Variants in MAP2K2 observed in about 807,000 individuals in gnomAD.
The protein encoded by MAP2K2 is mitogen-activated protein kinase kinase 2.
A neutral mutation model predicts 43.7 loss-of-function variants in MAP2K2; 24 were observed. That is an observed-to-expected ratio of 0.55 (90% CI 0.40 to 0.77). The LOEUF is 0.77. Ranked by LOEUF, MAP2K2 falls within the 30% of genes least tolerant of loss-of-function variation. MAP2K2 has a pLI of 0.00. For synonymous variants in MAP2K2, 244 were observed against 239.7 expected, an observed-to-expected ratio of 1.02 and a Z score of -0.17; for missense variants, 470 against 566.8, an observed-to-expected ratio of 0.83 and a Z score of 1.73.
chr19:4,103,809 G>A (rs2041049404), intron 3 of MAP2K2, among the ~76,000 whole-genome samples: 1 of 152,218 alleles, frequency 6.6e-6, no homozygotes, highest in African/African-American at 2.4e-5. Flanking sequence ...CCAGCTCCAG[G>A]CTGAAGACGC....
At chr19:4,113,778 G>A (rs905191847) in intron 2 of MAP2K2, among the ~76,000 whole-genome samples, 18 of 152,172 alleles carry the variant, frequency 1.2e-4, no homozygotes, top group African/African-American at 4.3e-4. Context: ...TGGGGGATTC[G>A]GAGTAGGAAA....
At position 4,102,018 on chromosome 19, in the gene MAP2K2, G is replaced by A. The variant is rs533903754; in HGVS notation, c.528+358C>T. On this transcript the variant is annotated intron_variant, in intron 4 of 10. Transcript: ENST00000262948. ...AATGGTGAGTGTGTCTGGAGGTCCT[G>A]GCGTCCCACATCCCACCCCAGAGTC... Among the ~76,000 whole-genome samples, 69 of 152,180 alleles carry A rather than the reference G, an allele frequency of 4.5e-4. No individual in the cohort carries two copies. The East Asian group carries it at 6.0e-3, about 13-fold the overall frequency.
intron 3 of MAP2K2, chr19:4,103,423 C>A (rs1392386729): frequency 5.3e-6 from 1 of 186,998 alleles, no homozygotes. Context: ...TGCCAGGCCA[C>A]CCCCAGGACA....
intron 10 of MAP2K2, among the ~76,000 whole-genome samples, chr19:4,091,251 C>A (rs2040851971): frequency 6.6e-6 from 1 of 152,250 alleles, no homozygotes; most frequent in Non-Finnish European, 1.5e-5. Flanking sequence ...TCCCACTCGC[C>A]AGCACATGAG....
chr19:4,107,994 G>A (rs1434421994), intron 3 of MAP2K2, among the ~76,000 whole-genome samples: 6 of 152,172 alleles, frequency 3.9e-5, no homozygotes, highest in Admixed American at 6.5e-5. Context: ...CCTCAGCCCC[G>A]GTGCTAAGCT....
Position 4,117,469 on chromosome 19 carries a change from C to T in MAP2K2, c.253G>A (p.Val85Met), listed in dbSNP as rs142503093. Residue 85 changes from valine to methionine, a missense_variant, in exon 2 of 11, where the codon GTG (valine) becomes ATG (methionine). Around this residue, in one of 3 missense-constraint regions of MAP2K2, gnomAD observed 200 missense variants for 297.9 expected, o/e 0.67. Transcript: ENST00000262948. ...GGTCTGTGCTGGACTTTGGTGACCACCCCGCCGTTGCCCGCGCCCAGCTCT... is the reference window on the plus strand; with the variant it reads ...GGTCTGTGCTGGACTTTGGTGACCATCCCGCCGTTGCCCGCGCCCAGCTCT... ...ISELGAGNGGVVTKVQHRPSG... is the reference protein window; with the variant it reads ...ISELGAGNGGMVTKVQHRPSG... The T allele has an allele frequency of 1.2e-6, 2 of 1,614,112 alleles. No homozygotes were observed. Among genetic ancestry groups the T allele is most frequent in the Non-Finnish European group, 1.7e-6 (2 of 1,180,042 alleles).
chr19:4,107,543 A>C (rs997526651), intron 3 of MAP2K2, among the ~76,000 whole-genome samples: 24 of 151,100 alleles, frequency 1.6e-4, no homozygotes, highest in East Asian at 5.8e-4. Flanking sequence ...AAAAAAAAAA[A>C]AAACAAACTT....
chr19:4,099,469 C>T, intron 6 of MAP2K2, 55 bp from the exon 7 acceptor site: 1 of 1,443,356 alleles, frequency 6.9e-7, no homozygotes, highest in Non-Finnish European at 9.5e-7. Context: ...GCAGCTGGAA[C>T]CCGGGAGGCT....
intron 2 of MAP2K2, among the ~76,000 whole-genome samples, chr19:4,116,968 C>T (rs1381299390): frequency 6.6e-6 from 1 of 152,162 alleles, no homozygotes; most frequent in Non-Finnish European, 1.5e-5. Flanking sequence ...ATACAGAAGG[C>T]ACAGCAAAAA....
In MAP2K2 at chr19:4,099,261, C is replaced by G. The variant is rs756004431; in HGVS notation, c.859G>C (p.Glu287Gln). 1 of 1,605,958 alleles carries G rather than the reference C, an allele frequency of 6.2e-7. No homozygotes were observed. Among genetic ancestry groups the G allele is most frequent in the Non-Finnish European group, 8.5e-7 (1 of 1,176,740 alleles). Residue 287 changes from glutamate to glutamine, a missense_variant, in exon 7 of 11, where the codon GAA (glutamate) becomes CAA (glutamine). Coordinates refer to ENST00000262948, the MANE Select transcript of MAP2K2 (RefSeq NM_030662.4). ...GAGATGCTGTGAGGCTCTCCTTCTT[C>G]CCCGTCGACCACGGGCCGGCCAAAG... ...AIFGRPVVDGEEGEPHSISPR... is the reference protein window; with the variant it reads ...AIFGRPVVDGQEGEPHSISPR...
intron 8 of MAP2K2, 121 bp from the exon 9 acceptor site, chr19:4,095,570 C>T: frequency 1.3e-6 from 1 of 744,002 alleles, no homozygotes; most frequent in Non-Finnish European, 2.3e-6. Context: ...GCCGACACCA[C>T]ATGCCAACTG....
chr19:4,117,197 G>C (rs189169289), intron 2 of MAP2K2, among the ~76,000 whole-genome samples: 2 of 152,332 alleles, frequency 1.3e-5, no homozygotes, highest in African/African-American at 4.8e-5. Context: ...GCAGAAAGTA[G>C]TCACTGGAGG....
At chr19:4,100,856 T>C in intron 6 of MAP2K2, 163 bp downstream of exon 6, 1 of 786,074 alleles carries the variant, frequency 1.3e-6, no homozygotes, top group Non-Finnish European at 2.0e-6. Context: ...GAAAGCCTCG[T>C]GGGAGGCGGG....
chr19:4,097,564 A>G (rs2040937558), intron 7 of MAP2K2, among the ~76,000 whole-genome samples: 1 of 152,160 alleles, frequency 6.6e-6, no homozygotes, highest in Non-Finnish European at 1.5e-5. Flanking sequence ...GTGAATTAAA[A>G]AAAAGGCAAA....
chr19:4,094,267 T>C (rs1384481669), intron 10 of MAP2K2, among the ~76,000 whole-genome samples, 186 bp downstream of exon 10: 3 of 152,146 alleles, frequency 2.0e-5, no homozygotes, highest in Non-Finnish European at 4.4e-5. Context: ...CAGCCCAGGA[T>C]GGCTTCTCTC....
intron 4 of MAP2K2, 28 bp downstream of exon 4, chr19:4,102,348 G>T (rs756363064): frequency 4.5e-6 from 7 of 1,557,312 alleles, no homozygotes; most frequent in African/African-American, 1.3e-5. Flanking sequence ...TGCGGTGGGG[G>T]CGCGATGTGG....
intron 9 of MAP2K2, 76 bp from the exon 10 acceptor site, chr19:4,094,574 AC>A: frequency 7.1e-7 from 1 of 1,415,482 alleles, no homozygotes; most frequent in Non-Finnish European, 9.8e-7. Context: ...GCCCCGGGGC[AC>A]CCGCGTGTGG....
At chr19:4,100,765 G>C in intron 6 of MAP2K2, 1 of 570,704 alleles carries the variant, frequency 1.8e-6, no homozygotes, top group South Asian at 2.1e-5. Context: ...GAGAGCTGAT[G>C]AAGGGGAGGG....
intron 2 of MAP2K2, among the ~76,000 whole-genome samples, chr19:4,110,922 C>T (rs1383295092): frequency 1.3e-5 from 2 of 152,178 alleles, no homozygotes; most frequent in African/African-American, 4.8e-5. Context: ...GCCAACCCAG[C>T]GCAGCCCACC....
Sources: gnomAD v4.1 joint callset for allele counts (sites outside exome capture counted in the v4.1 genomes callset) on GRCh38, gnomAD v4.1.1 for gene constraint, gnomAD v4.1.1 regional missense constraint, MANE v1.5 for transcripts, NCBI Gene and HGNC (gene_info 2026-07-23, HGNC 2026-07-21) for gene names.